Variants in ADAMTSL1 observed in about 807,000 individuals in gnomAD.
ADAMTSL1 encodes ADAMTS like 1, also known as ADAMTS-like protein 1.
In ADAMTSL1, 126 loss-of-function variants were observed where a neutral mutation model predicts 201.8. The ratio of observed to expected loss-of-function variants is 0.62; its 90% CI spans 0.54 to 0.72. ADAMTSL1 has a LOEUF of 0.72. Ranked by LOEUF, ADAMTSL1 falls within the 30% of genes least tolerant of loss-of-function variation. ADAMTSL1 has a pLI of 0.00. For synonymous variants in ADAMTSL1, 1,121 were observed against 903.4 expected (o/e 1.24, Z -4.32); for missense variants, 2,679 against 2,277.8 (o/e 1.18, Z -3.59).
At chr9:18,347,175 T>TATGG (rs1835766106) in intron 2 of ADAMTSL1, among the ~76,000 whole-genome samples, 7 of 152,164 alleles carry the variant, frequency 4.6e-5, no homozygotes, top group Admixed American at 2.6e-4. Context: ...TAAATGATAT[T>TATGG]GCTTTAGCTT....
chr9:18,875,454 CTAT>C (rs1269201265), intron 23 of ADAMTSL1, among the ~76,000 whole-genome samples: 1 of 152,022 alleles, frequency 6.6e-6, no homozygotes, highest in African/African-American at 2.4e-5. Flanking sequence ...GACTGTGTCA[CTAT>C]TATTATTCAG....
At chr9:18,469,231 T>C (rs1458308908), upstream of ADAMTSL1, among the ~76,000 whole-genome samples, 1 of 152,228 alleles carries the variant, frequency 6.6e-6, no homozygotes, top group Admixed American at 6.5e-5. Context: ...TGAATTCTCA[T>C]GGCCCTTTGC....
At chr9:18,016,391 T>C (rs900472119) in intron 1 of ADAMTSL1, among the ~76,000 whole-genome samples, 1 of 152,018 alleles carries the variant, frequency 6.6e-6, no homozygotes, top group African/African-American at 2.4e-5. Flanking sequence ...TAGTTTCTAG[T>C]ATCGGTTGTC....
intron 23 of ADAMTSL1, among the ~76,000 whole-genome samples, chr9:18,884,804 A>ATTAAG (rs1345566555): frequency 6.6e-6 from 1 of 152,230 alleles, no homozygotes; most frequent in African/African-American, 2.4e-5. Context: ...ATCACTTTGT[A>ATTAAG]TTAAGTTTTG....
chr9:18,120,312 A>T (rs896479652), intron 1 of ADAMTSL1, among the ~76,000 whole-genome samples: 2 of 152,222 alleles, frequency 1.3e-5, no homozygotes, highest in Non-Finnish European at 2.9e-5. Flanking sequence ...AGAGCCCAAG[A>T]TGGAAGCTGT....
chr9:18,722,150 T>A (rs1392465184), intron 15 of ADAMTSL1, among the ~76,000 whole-genome samples: 6 of 152,110 alleles, frequency 3.9e-5, no homozygotes, highest in Non-Finnish European at 7.4e-5. Flanking sequence ...GGTGTGTGTG[T>A]CATTCCACAT....
intron 2 of ADAMTSL1, among the ~76,000 whole-genome samples, chr9:18,425,415 A>G (rs1819166042): frequency 6.6e-6 from 1 of 152,148 alleles, no homozygotes; most frequent in Non-Finnish European, 1.5e-5. Flanking sequence ...TAGCAAAAAT[A>G]TACCCTCTCC....
chr9:18,022,432 C>A (rs1434611873), intron 1 of ADAMTSL1, among the ~76,000 whole-genome samples: 2 of 152,100 alleles, frequency 1.3e-5, no homozygotes, highest in Non-Finnish European at 2.9e-5. Context: ...GCCACAATAT[C>A]CTCCCTCCTA....
chr9:18,185,286 T>A (rs1304509784), intron 2 of ADAMTSL1, among the ~76,000 whole-genome samples: 1 of 152,110 alleles, frequency 6.6e-6, no homozygotes, highest in Non-Finnish European at 1.5e-5. Context: ...TTGCTCTCCT[T>A]CCTACTGGCT....
intron 20 of ADAMTSL1, among the ~76,000 whole-genome samples, chr9:18,811,921 C>G (rs777284879): frequency 4.6e-5 from 7 of 151,898 alleles, no homozygotes; most frequent in African/African-American, 1.5e-4. Flanking sequence ...ATCTCAGAAA[C>G]AACAAAACTC....
intron 14 of ADAMTSL1, chr9:18,718,006 C>T: frequency 6.3e-7 from 1 of 1,593,856 alleles, no homozygotes; most frequent in Non-Finnish European, 8.6e-7. Flanking sequence ...TTTTGCGAGC[C>T]TTCCCAGGCA....
chr9:18,321,129 G>A (rs1834599163), intron 2 of ADAMTSL1, among the ~76,000 whole-genome samples: 1 of 152,148 alleles, frequency 6.6e-6, no homozygotes, highest in Non-Finnish European at 1.5e-5. Context: ...GATATGACAT[G>A]CAGACAAGTA....
chr9:18,178,222 A>G (rs1007342544), intron 2 of ADAMTSL1, among the ~76,000 whole-genome samples: 3 of 152,202 alleles, frequency 2.0e-5, no homozygotes, highest in East Asian at 1.9e-4. Context: ...GGGAAGCACA[A>G]GGGGTCAGGG....
rs184335345 is a variant in ADAMTSL1 at position 18,517,259 on chromosome 9, C to T, written c.191+12303C>T. On this transcript the variant is annotated intron_variant, in intron 2 of 28. Transcript: ENST00000380548. ...GGCAGCAATCCCCCGGCCCCCACCC[C>T]TAGCCATCTTTCAGAGGAAGCAAAT... is the stretch of plus-strand genomic sequence containing the variant. 1.3e-4 allele frequency among the ~76,000 whole-genome samples: 20 copies of T among 152,234 alleles called. No homozygotes were observed. The East Asian group carries it at 2.3e-3, about 18-fold the overall frequency.
intron 2 of ADAMTSL1, among the ~76,000 whole-genome samples, chr9:18,416,011 A>T (rs537176065): frequency 5.3e-5 from 8 of 152,184 alleles, no homozygotes; most frequent in Admixed American, 5.2e-4. Flanking sequence ...AGCTAAAAGA[A>T]TTCATTACTA....
intron 2 of ADAMTSL1, among the ~76,000 whole-genome samples, chr9:18,275,254 C>G (rs949790426): frequency 1.3e-5 from 2 of 152,128 alleles, no homozygotes; most frequent in East Asian, 1.9e-4. Context: ...TTCACTTACT[C>G]CCATTATTGT....
intron 2 of ADAMTSL1, among the ~76,000 whole-genome samples, chr9:18,377,940 C>G (rs1389186383): frequency 6.6e-6 from 1 of 152,094 alleles, no homozygotes; most frequent in Non-Finnish European, 1.5e-5. Flanking sequence ...AATTCTGTCT[C>G]TATACTCATA....
At chr9:17,967,311 ATTAT>A (rs1469095242) in intron 1 of ADAMTSL1, among the ~76,000 whole-genome samples, 4 of 152,096 alleles carry the variant, frequency 2.6e-5, no homozygotes, top group African/African-American at 7.2e-5. Context: ...CTCCTGCCAC[ATTAT>A]TTATTATTTT....
chr9:18,137,548 T>C (rs1826213066), intron 1 of ADAMTSL1, among the ~76,000 whole-genome samples: 1 of 152,190 alleles, frequency 6.6e-6, no homozygotes, highest in Non-Finnish European at 1.5e-5. Context: ...TGTCCAGTAA[T>C]AAAGTGGGTG....
Sources: allele counts gnomAD v4.1 joint callset (sites outside exome capture counted in the v4.1 genomes callset), GRCh38; gene constraint gnomAD v4.1.1; transcripts MANE v1.5; gene names NCBI Gene and HGNC (gene_info 2026-07-23, HGNC 2026-07-21).